KDR: variants seen among roughly 807,000 people sequenced by gnomAD.
KDR encodes vascular endothelial growth factor receptor 2.
Under a neutral mutation model 160.9 loss-of-function variants are expected in KDR, and 43 were observed. The ratio of observed to expected loss-of-function variants is 0.27; its 90% CI spans 0.21 to 0.34. The LOEUF is 0.34. Among genes scored for constraint, KDR ranks in the 10% least tolerant of loss-of-function variants. KDR has a pLI of 1.00. For synonymous variants in KDR, 617 were observed against 600.1 expected, an observed-to-expected ratio of 1.03 and a Z score of -0.41; for missense variants, 1,469 against 1,666.4, an observed-to-expected ratio of 0.88 and a Z score of 2.06.
chr4:55,097,617 C>G (rs763799805), intron 18 of KDR, 45 bp downstream of exon 18: 1 of 1,218,018 alleles, frequency 8.2e-7, no homozygotes, highest in Non-Finnish European at 1.2e-6. Flanking sequence ...TATTTAAAGA[C>G]TAGATAAAAC....
At chr4:55,119,168 C>T (rs1004024311) in intron 2 of KDR, among the ~76,000 whole-genome samples, 24 of 151,218 alleles carry the variant, frequency 1.6e-4, no homozygotes, top group African/African-American at 5.6e-4. Flanking sequence ...AAAATCACAC[C>T]ACTGCACTTC....
intron 27 of KDR, among the ~76,000 whole-genome samples, chr4:55,085,557 G>A (rs1719842014): frequency 3.3e-5 from 5 of 152,220 alleles, no homozygotes; most frequent in Non-Finnish European, 7.3e-5. Context: ...ACAGAATGAA[G>A]CATGCCGTGT....
intron 27 of KDR, among the ~76,000 whole-genome samples, chr4:55,085,167 A>G (rs943075188): frequency 2.0e-4 from 31 of 152,204 alleles, no homozygotes; most frequent in Non-Finnish European, 1.5e-5. Context: ...TCAAAGAAAG[A>G]TGAGCCCAGC....
At chr4:55,082,449 A>C (rs1280435295) in intron 28 of KDR, 87 bp downstream of exon 28, 1 of 1,072,758 alleles carries the variant, frequency 9.3e-7, no homozygotes, top group East Asian at 2.4e-5. Context: ...TGAGGCTCCA[A>C]AACTTTAATG....
At chr4:55,121,051 A>G (rs746585935) in intron 2 of KDR, 46 bp downstream of exon 2, 6 of 1,284,054 alleles carry the variant, frequency 4.7e-6, no homozygotes, top group South Asian at 1.2e-5. Flanking sequence ...TCAATAAACA[A>G]TCAGTTACTT....
chr4:55,099,405 T>C (rs1253735383), intron 15 of KDR, among the ~76,000 whole-genome samples: 1 of 152,114 alleles, frequency 6.6e-6, no homozygotes, highest in Non-Finnish European at 1.5e-5. Flanking sequence ...TAATTAAGCA[T>C]AGAAGTAGTA....
intron 27 of KDR, among the ~76,000 whole-genome samples, chr4:55,084,057 T>A (rs1349533167): frequency 1.3e-5 from 2 of 152,222 alleles, no homozygotes; most frequent in African/African-American, 2.4e-5. Flanking sequence ...TCTCATGATG[T>A]GTTCACCACG....
chr4:55,098,605 A>G, intron 16 of KDR, 92 bp downstream of exon 16: 1 of 976,724 alleles, frequency 1.0e-6, no homozygotes, highest in Non-Finnish European at 1.7e-6. Flanking sequence ...TGAGCCAATA[A>G]CAATGGGAAG....
chr4:55,099,032 T>TTTC, intron 15 of KDR, among the ~76,000 whole-genome samples: 1 of 151,244 alleles, frequency 6.6e-6, no homozygotes, highest in African/African-American at 2.4e-5. Flanking sequence ...TATTTATTTT[T>TTTC]AGAGACAGGG....
intron 22 of KDR, 99 bp from the exon 23 acceptor site, chr4:55,090,177 G>T: frequency 2.2e-6 from 3 of 1,379,434 alleles, no homozygotes; most frequent in Non-Finnish European, 3.1e-6. Flanking sequence ...ACATCAGAAA[G>T]CCAACTGATT....
At chr4:55,119,779 C>T (rs148865342) in intron 2 of KDR, among the ~76,000 whole-genome samples, 19 of 152,182 alleles carry the variant, frequency 1.2e-4, no homozygotes, top group African/African-American at 2.9e-4. Flanking sequence ...GTAAGGACCT[C>T]GCATTAAAAC....
chr4:55,092,559 T>C (rs551409897), intron 22 of KDR, 58 bp downstream of exon 22: 8 of 1,216,022 alleles, frequency 6.6e-6, no homozygotes, highest in Non-Finnish European at 8.6e-6. Context: ...ACACTGGACA[T>C]CTTATTTCCA....
At chr4:55,098,982 A>T (rs111833905) in intron 15 of KDR, among the ~76,000 whole-genome samples, 179 bp from the exon 16 acceptor site, 57 of 143,040 alleles carry the variant, frequency 4.0e-4, no homozygotes, top group Middle Eastern at 3.5e-3. Context: ...TTTTGAATTT[A>T]ATTTATTTAT....
At chr4:55,080,233 C>CA in intron 29 of KDR, 70 bp from the exon 30 acceptor site, 2 of 1,367,038 alleles carry the variant, frequency 1.5e-6, no homozygotes, top group Non-Finnish European at 2.1e-6. Context: ...ACCCTCACCC[C>CA]ATTCCCAACT....
At chr4:55,102,578 C>T in intron 13 of KDR, 70 bp from the exon 14 acceptor site, 1 of 1,546,122 alleles carries the variant, frequency 6.5e-7, no homozygotes, top group Non-Finnish European at 8.9e-7. Flanking sequence ...TATCAGCAAA[C>T]TTTTAAACAG....
At chr4:55,116,125 G>A (rs1283494090) in intron 3 of KDR, among the ~76,000 whole-genome samples, 2 of 152,130 alleles carry the variant, frequency 1.3e-5, no homozygotes, top group African/African-American at 4.8e-5. Context: ...GAAGAAAACT[G>A]AAGAGATTCT....
intron 5 of KDR, among the ~76,000 whole-genome samples, 172 bp from the exon 6 acceptor site, chr4:55,114,437 A>G (rs1310685811): frequency 6.6e-6 from 1 of 152,238 alleles, no homozygotes; most frequent in Non-Finnish European, 1.5e-5. Context: ...AGGTTTACAA[A>G]GCACTACCTT....
At chr4:55,102,093 A>C in intron 14 of KDR, 65 bp from the exon 15 acceptor site, 1 of 1,603,794 alleles carries the variant, frequency 6.2e-7, no homozygotes, top group South Asian at 1.1e-5. Context: ...TTTTCAGGGA[A>C]ATTTAGAAAA....
At chr4:55,122,749 T>A (rs1267095012) in intron 1 of KDR, 1 of 152,226 alleles carries the variant, frequency 6.6e-6, no homozygotes, top group Non-Finnish European at 1.5e-5. Flanking sequence ...TGACTTATGT[T>A]TAGAACAGTT....
Sources: allele counts gnomAD v4.1 joint callset (sites outside exome capture counted in the v4.1 genomes callset), GRCh38; gene constraint gnomAD v4.1.1; transcripts MANE v1.5; gene names NCBI Gene and HGNC (gene_info 2026-07-23, HGNC 2026-07-21).